The following GLYR1 variants were observed in gnomAD, a reference collection of about 807,000 sequenced individuals.
GLYR1 encodes glyoxylate reductase 1 homolog.
Under a neutral mutation model 72.7 loss-of-function variants are expected in GLYR1, and 21 were observed. That is an observed-to-expected ratio of 0.29 (90% CI 0.20 to 0.42). The LOEUF (loss-of-function observed/expected upper bound fraction) is 0.42. Among genes scored for constraint, GLYR1 ranks in the 10% least tolerant of loss-of-function variants. The pLI is 1.00. For synonymous variants in GLYR1, 392 were observed against 270.2 expected, an observed-to-expected ratio of 1.45 and a Z score of -4.42; for missense variants, 594 against 712.1, an observed-to-expected ratio of 0.83 and a Z score of 1.89.
In GLYR1 at chr16:4,810,765, G is replaced by A. The variant is rs1168861609; in HGVS notation, c.1587+405C>T. 5.0e-5 allele frequency among the ~76,000 whole-genome samples: 7 copies of A among 140,184 alleles called. No homozygotes were observed. The South Asian group carries it at 1.2e-3, about 23-fold the overall frequency. The allele number at this position is 140,184 out of a possible 152,430, so 92.0% of individuals were successfully genotyped here. On this transcript the variant is annotated intron_variant, in intron 15 of 15. Transcript: ENST00000321919. ...GGGCGTGGTGGCAAGAGCCTGAGGC[G>A]ACAGAGCAAGACTCTGTCTCAAAAT...
intron 5 of GLYR1, among the ~76,000 whole-genome samples, chr16:4,828,375 T>C (rs1274805074): frequency 6.6e-6 from 1 of 152,106 alleles, no homozygotes; most frequent in East Asian, 1.9e-4. Flanking sequence ...GGCAAAGGTA[T>C]GTACATTTTA....
At chr16:4,821,639 G>C in intron 7 of GLYR1, 42 bp from the exon 8 acceptor site, 1 of 1,570,004 alleles carries the variant, frequency 6.4e-7, no homozygotes, top group Non-Finnish European at 8.8e-7. Context: ...GCTACTGCAG[G>C]CTTAACCAGT....
chr16:4,812,248 C>T lies in GLYR1; in HGVS notation c.1120G>A (p.Val374Met), dbSNP rs1218184169. The stretch of plus-strand genomic sequence containing the variant: ...AAGCGCCCCCCCCTGGACACAATCA[C>T]CTGGAAAGAAAAGTCACAGCTTCTG... ...DADTVTELAQVIVSRGGRFLE... is the reference protein window; with the variant it reads ...DADTVTELAQMIVSRGGRFLE... Residue 374 changes from valine to methionine, a missense_variant and splice_region_variant, in exon 13 of 16, where the codon GTG becomes ATG. This residue lies in a region of GLYR1 where 266 missense variants were observed against 358.4 expected (regional missense o/e 0.74). Transcript: ENST00000321919. 1 of 1,611,640 alleles carries T rather than the reference C, an allele frequency of 6.2e-7. No homozygotes were observed. Among genetic ancestry groups the T allele is most frequent in the Non-Finnish European group, 8.5e-7 (1 of 1,179,450 alleles).
chr16:4,808,805 G>A (rs1362864222), intron 15 of GLYR1, among the ~76,000 whole-genome samples: 4 of 151,642 alleles, frequency 2.6e-5, no homozygotes, highest in East Asian at 3.9e-4. Flanking sequence ...AAAGCTTTTC[G>A]AAAGTGTATG....
intron 9 of GLYR1, chr16:4,821,135 C>T (rs1420309083): frequency 1.2e-5 from 7 of 570,680 alleles, no homozygotes; most frequent in Non-Finnish European, 3.1e-6. Flanking sequence ...GAGCCAAGTG[C>T]TCCTTGCTCT....
chr16:4,836,097 C>T (rs887803375), intron 3 of GLYR1, among the ~76,000 whole-genome samples: 1 of 152,162 alleles, frequency 6.6e-6, no homozygotes, highest in African/African-American at 2.4e-5. Context: ...CTGCAACTGG[C>T]CTACCTCTGT....
rs370659586 is a variant in GLYR1 at position 4,808,598 on chromosome 16, C to CTAAAATAAAA, written c.1587+2562_1587+2571dup. The stretch of plus-strand genomic sequence containing the variant: ...GGGCAACAAGGGTGAAACTCGGTCT[C>CTAAAATAAAA]TAAAATAAAATAAAATAAAATAAAA... On this transcript the variant is annotated intron_variant, in intron 15 of 15. Transcript: ENST00000321919. Among the ~76,000 whole-genome samples the CTAAAATAAAA allele has an allele frequency of 2.7e-3, 409 of 151,532 alleles. 2 individuals are homozygous for CTAAAATAAAA. The highest frequency in any genetic ancestry group is 9.5e-3 in the African/African-American group (390 of 41,136).
intron 3 of GLYR1, among the ~76,000 whole-genome samples, chr16:4,838,893 C>T (rs11076851): frequency 0.085 from 12,940 of 152,004 alleles, 565 homozygotes; most frequent in African/African-American, 0.11. Flanking sequence ...GGCCAAAACT[C>T]TTCTTTTTTA....
intron 2 of GLYR1, among the ~76,000 whole-genome samples, chr16:4,845,539 G>A (rs899785071): frequency 1.3e-4 from 19 of 148,364 alleles, no homozygotes; most frequent in Admixed American, 1.3e-3. Flanking sequence ...CTGAAAAAAT[G>A]CAGACGACAC....
At chr16:4,819,292 C>T (rs1232906751) in intron 9 of GLYR1, among the ~76,000 whole-genome samples, 2 of 152,068 alleles carry the variant, frequency 1.3e-5, no homozygotes, top group Admixed American at 6.6e-5. Flanking sequence ...GGATTATGGG[C>T]GTGAGCCACT....
intron 5 of GLYR1, among the ~76,000 whole-genome samples, chr16:4,825,770 G>A (rs1449781236): frequency 6.6e-6 from 1 of 151,954 alleles, no homozygotes; most frequent in Non-Finnish European, 1.5e-5. Flanking sequence ...TCCTGCCTCA[G>A]CCTCCTGAGT....
intron 10 of GLYR1, among the ~76,000 whole-genome samples, chr16:4,815,333 T>C (rs905355033): frequency 6.6e-6 from 1 of 152,130 alleles, no homozygotes; most frequent in Non-Finnish European, 1.5e-5. Context: ...CCTACTATTT[T>C]CTATCAGACT....
chr16:4,805,452 T>C lies in GLYR1; in HGVS notation c.1588-142A>G. 5 of 702,234 alleles carry C rather than the reference T, an allele frequency of 7.1e-6. No homozygotes were observed. The Admixed American group carries it at 1.1e-4, about 15-fold the overall frequency. The allele number at this position is 702,234 out of a possible 1,614,324, so 43.5% of individuals were successfully genotyped here. A position where few individuals can be genotyped will look rare whatever the true frequency, so the allele number is the denominator to read the frequency against. On this transcript the variant is annotated intron_variant, in intron 15 of 15. Transcript: ENST00000321919. ...CCGGTTAGGAATCCTGTGTTGACCT[T>C]GCATGAAGCACCTCCGTTTCTCTGG...
chr16:4,808,839 G>A (rs1057366447), intron 15 of GLYR1, among the ~76,000 whole-genome samples: 2 of 151,868 alleles, frequency 1.3e-5, no homozygotes, highest in African/African-American at 2.4e-5. Flanking sequence ...AGTTGTGCAC[G>A]CCTATAGTCC....
chr16:4,815,565 C>A (rs2083584026), intron 10 of GLYR1, among the ~76,000 whole-genome samples: 1 of 152,128 alleles, frequency 6.6e-6, no homozygotes. Flanking sequence ...AAATTCAGGT[C>A]TCCACAAATA....
At chr16:4,835,348 G>C (rs1287042558) in intron 3 of GLYR1, among the ~76,000 whole-genome samples, 5 of 152,162 alleles carry the variant, frequency 3.3e-5, no homozygotes, top group African/African-American at 1.2e-4. Context: ...GAACTGTACA[G>C]TCAAAATTCC....
In GLYR1 at chr16:4,822,949, T is replaced by A; in HGVS notation, c.625-18A>T. 6.2e-7 allele frequency: 1 copy of A among 1,612,270 alleles called. No homozygotes were observed. The highest frequency in any genetic ancestry group is 8.5e-7 in the Non-Finnish European group (1 of 1,178,278). ...TTAACAGGCTGAAACCAGAAAACAG[T>A]GAAATAAAACCAGTTATCTGCCACC... On this transcript the variant is annotated intron_variant, in intron 6 of 15. Transcript: ENST00000321919.
At chr16:4,818,359 A>G (rs1016177510) in intron 9 of GLYR1, among the ~76,000 whole-genome samples, 1 of 152,064 alleles carries the variant, frequency 6.6e-6, no homozygotes, top group East Asian at 1.9e-4. Context: ...TAGTGGTGCA[A>G]TCATGGCTCA....
In GLYR1 at chr16:4,812,139, T is replaced by C; in HGVS notation, c.1229A>G (p.Tyr410Cys). The stretch of plus-strand genomic sequence containing the variant: ...CTGGAAGCAGCTGCTGCAGTCCTCA[T>C]ATAAGCCCCTGTCTCCAGCCGCTAA... ...VILAAGDRGL[Y>C]EDCSSCFQAM... The change falls in exon 13 of 16, where the codon TAT becomes TGT. Residue 410 changes from tyrosine to cysteine, a missense_variant. Physicochemically the swap from Tyr to Cys is radical, Grantham distance 194 (BLOSUM62 -2). Coordinates refer to ENST00000321919, the MANE Select transcript of GLYR1 (RefSeq NM_032569.4). 6.2e-7 allele frequency: 1 copy of C among 1,614,162 alleles called. No individual in the cohort carries two copies. Among genetic ancestry groups the C allele is most frequent in the Non-Finnish European group, 8.5e-7 (1 of 1,180,036 alleles).
Sources: gnomAD v4.1 joint callset for allele counts (sites outside exome capture counted in the v4.1 genomes callset) on GRCh38, gnomAD v4.1.1 for gene constraint, gnomAD v4.1.1 regional missense constraint, MANE v1.5 for transcripts, NCBI Gene and HGNC (gene_info 2026-07-23, HGNC 2026-07-21) for gene names.